Variants in CCNF observed in about 807,000 individuals in gnomAD.
The protein encoded by CCNF is cyclin-F.
CCNF carries 30 observed loss-of-function variants against 85.4 expected under a neutral mutation model. The observed-to-expected ratio is 0.35, with a 90% confidence interval of 0.26 to 0.48. CCNF has a LOEUF of 0.48. Among genes scored for constraint, CCNF ranks in the 20% least tolerant of loss-of-function variants. The pLI is 0.99. For missense variants in CCNF, 919 were observed against 1,010.4 expected, an observed-to-expected ratio of 0.91 and a Z score of 1.23; for synonymous variants, 439 against 425.1, an observed-to-expected ratio of 1.03 and a Z score of -0.40.
intron 9 of CCNF, among the ~76,000 whole-genome samples, chr16:2,444,392 C>T (rs1436001053): frequency 4.0e-5 from 6 of 149,984 alleles, no homozygotes; most frequent in South Asian, 2.1e-4. Flanking sequence ...CTCCACCTCC[C>T]GGGTTCACAC....
intron 8 of CCNF, among the ~76,000 whole-genome samples, chr16:2,442,428 TTATTA>T (rs1204234489): frequency 4.4e-3 from 40 of 9,020 alleles, no homozygotes; most frequent in African/African-American, 9.3e-3. Flanking sequence ...TAATATAATA[TTATTA>T]TATATAATAT....
At chr16:2,438,191 G>A in intron 6 of CCNF, 68 bp downstream of exon 6, 2 of 1,217,052 alleles carry the variant, frequency 1.6e-6, no homozygotes, top group South Asian at 2.4e-5. Context: ...TCCTGGAACT[G>A]AAAAGCAGCA....
At chr16:2,437,067 A>C in intron 4 of CCNF, 62 bp from the exon 5 acceptor site, 9 of 1,364,710 alleles carry the variant, frequency 6.6e-6, no homozygotes, top group Admixed American at 2.2e-5. Context: ...AAGACCATGG[A>C]GAGCTTTCCA....
chr16:2,455,348 G>A, intron 15 of CCNF, 47 bp from the exon 16 acceptor site: 1 of 1,504,242 alleles, frequency 6.6e-7, no homozygotes, highest in Non-Finnish European at 8.9e-7. Context: ...TGGCCTCCCA[G>A]CGCCGCCGTC....
At chr16:2,434,137 C>G (rs1162821472) in intron 3 of CCNF, among the ~76,000 whole-genome samples, 1 of 151,680 alleles carries the variant, frequency 6.6e-6, no homozygotes, top group Non-Finnish European at 1.5e-5. Flanking sequence ...AAAACCCTGT[C>G]TCTATTAAAA....
intron 8 of CCNF, among the ~76,000 whole-genome samples, chr16:2,441,662 G>A (rs895020777): frequency 6.6e-6 from 1 of 151,578 alleles, no homozygotes; most frequent in African/African-American, 2.4e-5. Context: ...GACTATAGGT[G>A]CCTGCCACCA....
intron 2 of CCNF, among the ~76,000 whole-genome samples, chr16:2,432,252 G>A (rs546126701): frequency 2.0e-5 from 3 of 152,166 alleles, no homozygotes; most frequent in Non-Finnish European, 2.9e-5. Context: ...ATGGACTCTA[G>A]GAGTTATTTT....
Position 2,437,280 on chromosome 16 carries a change from C to T in CCNF, c.498C>T (p.Ala166=), listed in dbSNP as rs150541774. 3.4e-5 allele frequency: 55 copies of T among 1,607,552 alleles called. No homozygotes were observed. Among genetic ancestry groups the T allele is most frequent in the Admixed American group, 6.7e-5 (4 of 59,912 alleles). ...PWSVSGSCCK[A]VVHESLRAEC... Reference sequence around the variant, plus strand: ...CGGTGAGCGGAAGCTGCTGCAAGGCCGTGGTTCACGAGAGCCTCAGGGCAG... The same window carrying T: ...CGGTGAGCGGAAGCTGCTGCAAGGCTGTGGTTCACGAGAGCCTCAGGGCAG... The change falls in exon 5 of 17, where the codon GCC becomes GCT. Residue 166 remains alanine, a synonymous_variant. Coordinates refer to ENST00000397066, the MANE Select transcript of CCNF (RefSeq NM_001761.3).
chr16:2,457,105 G>A lies in CCNF; in HGVS notation c.*85G>A. 2 of 995,894 alleles carry A rather than the reference G, an allele frequency of 2.0e-6. No individual in the cohort carries two copies. Among genetic ancestry groups the A allele is most frequent in the South Asian group, 1.7e-5 (1 of 58,776 alleles). 61.7% of individuals were successfully genotyped at this position (995,894 alleles called of 1,614,324 possible). ...GAGCATAGCATAGGAACGCTGCATA[G>A]ACCATGGAGGCCTTTGCGCAGAGAG... On this transcript the variant is annotated 3_prime_UTR_variant, in exon 17 of 17. Coordinates refer to ENST00000397066, the MANE Select transcript of CCNF (RefSeq NM_001761.3).
Position 2,457,145 on chromosome 16 carries a change from T to C in CCNF, c.*125T>C. 1.4e-6 allele frequency: 1 copy of C among 693,440 alleles called. No homozygotes were observed. Among genetic ancestry groups the C allele is most frequent in the Non-Finnish European group, 2.3e-6 (1 of 426,732 alleles). The allele number at this position is 693,440 out of a possible 1,614,324, so 43.0% of individuals were successfully genotyped here. ...TGCGCAGAGAGCAGAGAGGATGACT[T>C]GCGGCCACCAAGTTTCTGTCTCCGC... is the stretch of plus-strand genomic sequence containing the variant. On this transcript the variant is annotated 3_prime_UTR_variant, in exon 17 of 17. Transcript: ENST00000397066.
intron 2 of CCNF, 88 bp from the exon 3 acceptor site, chr16:2,432,873 C>T (rs2065269598): frequency 2.8e-6 from 2 of 704,520 alleles, no homozygotes; most frequent in South Asian, 1.7e-5. Context: ...GGAGACCCTA[C>T]ATCTGCCTCT....
chr16:2,448,833 A>T, intron 10 of CCNF, 22 bp from the exon 11 acceptor site: 1 of 1,611,732 alleles, frequency 6.2e-7, no homozygotes, highest in Non-Finnish European at 8.5e-7. Flanking sequence ...CTCCACCCTG[A>T]GACCCCTTCT....
chr16:2,448,935 G>C lies in CCNF; in HGVS notation c.1175G>C (p.Arg392Thr), dbSNP rs954539468. Residue 392 changes from arginine to threonine, a missense_variant, in exon 11 of 17, where the codon AGA becomes ACA. Transcript: ENST00000397066. ...ACTTACAAGTACGAGGACCTGGTGA[G>C]AATGATGGGCGAGATCGTCTCCGCC... is the stretch of plus-strand genomic sequence containing the variant. Reference protein sequence around the residue: ...DNTYKYEDLVRMMGEIVSALE... With the variant: ...DNTYKYEDLVTMMGEIVSALE... 6.8e-6 allele frequency: 11 copies of C among 1,614,028 alleles called. No homozygotes were observed. The highest frequency in any genetic ancestry group is 2.5e-6 in the Non-Finnish European group (3 of 1,179,998).
Position 2,448,838 on chromosome 16 carries a change from C to A in CCNF, c.1095-17C>A, listed in dbSNP as rs761528479. On this transcript the variant is annotated splice_polypyrimidine_tract_variant and intron_variant, in intron 10 of 16. Coordinates refer to ENST00000397066, the MANE Select transcript of CCNF (RefSeq NM_001761.3). ...AGGAAGTGGGCTCCACCCTGAGACC[C>A]CTTCTCGGCGTTGCAGGTTTATCAG... 2.2e-5 allele frequency: 35 copies of A among 1,612,490 alleles called. No homozygotes were observed. In the Middle Eastern group the frequency reaches 6.6e-4, roughly 30 times the overall value.
At chr16:2,450,163 C>T (rs539813804) in intron 13 of CCNF, among the ~76,000 whole-genome samples, 7 of 151,098 alleles carry the variant, frequency 4.6e-5, no homozygotes, top group East Asian at 2.0e-4. Context: ...GTTGATATCA[C>T]GTCACTGGAC....
rs192845060 is a variant in CCNF, at chr16:2,431,276, G to A, written c.163G>A (p.Val55Ile). 64 of 1,613,918 alleles carry A rather than the reference G, an allele frequency of 4.0e-5. No individual in the cohort carries two copies. The highest frequency in any genetic ancestry group is 3.8e-4 in the East Asian group (17 of 44,868). Residue 55 changes from valine to isoleucine, a missense_variant, in exon 2 of 17, where the codon GTC becomes ATC. Physicochemically the swap from Val to Ile is conservative, Grantham distance 29. This residue lies in a region of CCNF where 410 missense variants were observed against 478.6 expected (regional missense o/e 0.86). Coordinates refer to ENST00000397066, the MANE Select transcript of CCNF (RefSeq NM_001761.3). ...GCTTTCTGTAGAGGACATCCTGGCC[G>A]TCCGAGCTGTAAGTCCCTGCATGAA... The part of the protein sequence containing the change: ...KWLSVEDILA[V>I]RAVHSQLKDL...
intron 2 of CCNF, among the ~76,000 whole-genome samples, chr16:2,431,513 C>T (rs1175308963): frequency 6.6e-6 from 1 of 151,862 alleles, no homozygotes; most frequent in Non-Finnish European, 1.5e-5. Flanking sequence ...ACCCCCATCT[C>T]TACTAAAAAT....
chr16:2,434,437 A>G (rs1028788094), intron 3 of CCNF, among the ~76,000 whole-genome samples: 5 of 152,182 alleles, frequency 3.3e-5, no homozygotes, highest in African/African-American at 1.2e-4. Flanking sequence ...ACATGGTGAA[A>G]CCCTGTCTCT....
intron 2 of CCNF, among the ~76,000 whole-genome samples, chr16:2,432,482 A>G (rs540533132): frequency 5.5e-4 from 83 of 152,022 alleles, no homozygotes; most frequent in Middle Eastern, 3.4e-3. Context: ...TGGCCTGGAC[A>G]CTCCTGCGTT....
Sources: allele counts gnomAD v4.1 joint callset (sites outside exome capture counted in the v4.1 genomes callset), GRCh38; gene constraint gnomAD v4.1.1; regional missense constraint gnomAD v4.1.1; transcripts MANE v1.5; gene names NCBI Gene and HGNC (gene_info 2026-07-23, HGNC 2026-07-21).